The following CDYL2 variants were observed in gnomAD, a reference collection of about 807,000 sequenced individuals.
The protein encoded by CDYL2 is chromodomain Y like 2.
CDYL2 carries 23 observed loss-of-function variants against 49.4 expected under a neutral mutation model. The observed-to-expected ratio is 0.47, with a 90% CI of 0.34 to 0.66. The LOEUF (loss-of-function observed/expected upper bound fraction) is 0.66, where lower values mean the gene tolerates loss of function less well. Among genes scored for constraint, CDYL2 ranks in the 30% least tolerant of loss-of-function variants. CDYL2 has a pLI of 0.01. For missense variants in CDYL2, 678 were observed against 656.4 expected, an observed-to-expected ratio of 1.03 and a Z score of -0.36; for synonymous variants, 360 against 268.8, an observed-to-expected ratio of 1.34 and a Z score of -3.32.
chr16:80,783,123 A>G (rs1463033756), intron 1 of CDYL2, among the ~76,000 whole-genome samples: 1 of 152,196 alleles, frequency 6.6e-6, no homozygotes, highest in Non-Finnish European at 1.5e-5. Context: ...ACAGGACAGG[A>G]GAAAATATTT....
intron 2 of CDYL2, among the ~76,000 whole-genome samples, chr16:80,659,085 A>C (rs1477936695): frequency 1.3e-5 from 2 of 150,588 alleles, no homozygotes; most frequent in African/African-American, 5.0e-5. Flanking sequence ...GGATGGATGG[A>C]TGGATGGATG....
chr16:80,677,398 G>C (rs1909794861), intron 2 of CDYL2, among the ~76,000 whole-genome samples: 1 of 152,130 alleles, frequency 6.6e-6, no homozygotes, highest in East Asian at 1.9e-4. Flanking sequence ...CATGGAGTTA[G>C]TCACAGCGTT....
Position 80,607,427 on chromosome 16 carries a change from G to C in CDYL2, c.1362+665C>G, listed in dbSNP as rs181849612. ...AGCAGCTCCCTGTTTCTCAAGCACA[G>C]AGCGAGTCCTAGAGCCTCAATCTCC... On this transcript the variant is annotated intron_variant, in intron 6 of 6. Coordinates refer to ENST00000570137, the MANE Select transcript of CDYL2 (RefSeq NM_152342.4). 1.2e-3 allele frequency among the ~76,000 whole-genome samples: 184 copies of C among 152,322 alleles called. 1 individual carries two copies. The highest frequency in any genetic ancestry group is 4.0e-3 in the African/African-American group (168 of 41,572).
intron 1 of CDYL2, among the ~76,000 whole-genome samples, chr16:80,701,339 G>A (rs531829658): frequency 6.6e-6 from 1 of 152,180 alleles, no homozygotes; most frequent in East Asian, 1.9e-4. Context: ...CTCTAAGGCA[G>A]GGAGTGGATG....
intron 1 of CDYL2, among the ~76,000 whole-genome samples, chr16:80,704,756 G>A (rs1904345823): frequency 6.6e-6 from 1 of 152,224 alleles, no homozygotes; most frequent in African/African-American, 2.4e-5. Flanking sequence ...GAGGAATGTG[G>A]CCAGTGGTCA....
At chr16:80,730,472 C>T (rs988614800) in intron 1 of CDYL2, among the ~76,000 whole-genome samples, 14 of 152,134 alleles carry the variant, frequency 9.2e-5, no homozygotes, top group African/African-American at 2.9e-4. Flanking sequence ...AGCTTGCCAA[C>T]CAAAAAGAGT....
chr16:80,801,154 G>A (rs747988493), intron 1 of CDYL2, among the ~76,000 whole-genome samples: 8 of 152,094 alleles, frequency 5.3e-5, no homozygotes, highest in Admixed American at 1.3e-4. Flanking sequence ...TTTCACTTTC[G>A]ATCCAGACAG....
At chr16:80,669,364 G>T (rs1397637256) in intron 2 of CDYL2, among the ~76,000 whole-genome samples, 1 of 152,092 alleles carries the variant, frequency 6.6e-6, no homozygotes, top group African/African-American at 2.4e-5. Flanking sequence ...ATGGAAAGTG[G>T]CTCTGCCCTC....
intron 1 of CDYL2, among the ~76,000 whole-genome samples, chr16:80,758,725 G>T (rs1906406042): frequency 6.6e-6 from 1 of 151,714 alleles, no homozygotes; most frequent in Non-Finnish European, 1.5e-5. Flanking sequence ...TGTATTTTTA[G>T]TAGAGACAGG....
chr16:80,762,302 C>G (rs1354345343), intron 1 of CDYL2, among the ~76,000 whole-genome samples: 4 of 152,140 alleles, frequency 2.6e-5, no homozygotes, highest in African/African-American at 9.7e-5. Context: ...TATACAAATG[C>G]AGACCATCGC....
intron 2 of CDYL2, among the ~76,000 whole-genome samples, chr16:80,634,251 G>A (rs551062537): frequency 6.6e-6 from 1 of 152,288 alleles, no homozygotes; most frequent in African/African-American, 2.4e-5. Flanking sequence ...GAACCCAAAT[G>A]TCCATCAGTG....
At chr16:80,778,319 A>T (rs1253409907) in intron 1 of CDYL2, among the ~76,000 whole-genome samples, 3 of 152,022 alleles carry the variant, frequency 2.0e-5, no homozygotes, top group African/African-American at 7.2e-5. Context: ...ATAAGAGTAG[A>T]AATATATATA....
rs1024228688 is a variant in CDYL2 at position 80,600,196 on chromosome 16, G to A, written c.*4192C>T. ...ATTATACTTCAAACGCAATTACTTC[G>A]AAAAAAGATTAACCTGCTCTCCAAC... On this transcript the variant is annotated 3_prime_UTR_variant, in exon 7 of 7. Coordinates refer to ENST00000570137, the MANE Select transcript of CDYL2 (RefSeq NM_152342.4). 3 of 151,896 alleles carry A rather than the reference G, an allele frequency of 2.0e-5. No individual in the cohort carries two copies. The highest frequency in any genetic ancestry group is 6.6e-5 in the Admixed American group (1 of 15,248). The allele number at this position is 151,896 out of a possible 1,614,324, so 9.4% of individuals were successfully genotyped here.
chr16:80,740,926 T>C (rs903531740), intron 1 of CDYL2, among the ~76,000 whole-genome samples: 2 of 151,830 alleles, frequency 1.3e-5, no homozygotes, highest in Non-Finnish European at 2.9e-5. Context: ...ACATGTTAAT[T>C]TTTTCAACTT....
chr16:80,724,211 GAAGA>G (rs534504833), intron 1 of CDYL2, among the ~76,000 whole-genome samples: 123 of 145,624 alleles, frequency 8.4e-4, no homozygotes, highest in African/African-American at 2.9e-3. Context: ...AGGAAGAGGA[GAAGA>G]AAGAGGAAGA....
At chr16:80,697,881 G>A (rs1221265781) in intron 1 of CDYL2, among the ~76,000 whole-genome samples, 1 of 151,812 alleles carries the variant, frequency 6.6e-6, no homozygotes, top group Non-Finnish European at 1.5e-5. Context: ...ATAAAACATT[G>A]GTGGAAAAAA....
chr16:80,662,962 G>T (rs867419139), intron 2 of CDYL2, among the ~76,000 whole-genome samples: 1 of 152,136 alleles, frequency 6.6e-6, no homozygotes, highest in African/African-American at 2.4e-5. Flanking sequence ...GTCATTCTTT[G>T]TTGAATAAAT....
In CDYL2 at chr16:80,612,182, C is replaced by T. The variant is rs1237338869; in HGVS notation, c.1218+444G>A. Among the ~76,000 whole-genome samples, 3 of 152,212 alleles carry T rather than the reference C, an allele frequency of 2.0e-5. No homozygotes were observed. The highest frequency in any genetic ancestry group is 7.2e-5 in the African/African-American group (3 of 41,448). On this transcript the variant is annotated intron_variant, in intron 5 of 6. Transcript: ENST00000570137. This position sits in a 1 kb window ranked among gnomAD's most constrained non-coding sequence, Gnocchi z 5.0. ...CATGAAGCCCTCCAGGGTGATGCTT[C>T]TGGCTCTCTCTTCTCTCCCATTGGC... is the stretch of plus-strand genomic sequence containing the variant.
intron 3 of CDYL2, among the ~76,000 whole-genome samples, chr16:80,628,934 G>C (rs887823743): frequency 2.6e-5 from 4 of 152,192 alleles, no homozygotes; most frequent in African/African-American, 4.8e-5. Context: ...TGGGTGAACT[G>C]AGACCTGAAG....
Sources: gnomAD v4.1 joint callset for allele counts (sites outside exome capture counted in the v4.1 genomes callset) on GRCh38, gnomAD v4.1.1 for gene constraint, Gnocchi (gnomAD v3.1) non-coding constraint, MANE v1.5 for transcripts, NCBI Gene and HGNC (gene_info 2026-07-23, HGNC 2026-07-21) for gene names.